GPR4: variants seen among roughly 807,000 people sequenced by gnomAD.
The protein encoded by GPR4 is G protein-coupled receptor 4, also known as G-prodeshotein coupled receptor 4.
In GPR4, 11 loss-of-function variants were observed where a neutral mutation model predicts 17.8. The observed-to-expected ratio is 0.62, with a 90% CI of 0.39 to 1.02. The LOEUF (loss-of-function observed/expected upper bound fraction) is 1.02, where lower values mean the gene tolerates loss of function less well. GPR4 is among the 50% of genes least tolerant of loss of function. The probability of loss-of-function intolerance (pLI) is 0.00; values close to 1 mark genes in which losing one functional copy is unlikely to be tolerated. For missense variants in GPR4, 364 were observed against 495.4 expected (o/e 0.73, Z 2.52); for synonymous variants, 219 against 222.8 (o/e 0.98, Z 0.15).
chr19:45,594,043 G>T (rs1970026553), intron 1 of GPR4, among the ~76,000 whole-genome samples: 1 of 37,026 alleles, frequency 2.7e-5, no homozygotes, highest in African/African-American at 2.2e-4. Flanking sequence ...ACCATGCCTG[G>T]CTTAAAAAAA....
intron 1 of GPR4, among the ~76,000 whole-genome samples, chr19:45,594,416 C>T (rs1261893480): frequency 1.8e-4 from 20 of 113,844 alleles, no homozygotes; most frequent in Admixed American, 1.3e-3. Flanking sequence ...AGCCAGACTC[C>T]GTCTCAAAAA....
rs780185854 is a variant in GPR4, at chr19:45,591,042, G to A, written c.825C>T (p.Thr275=). 12 of 1,613,924 alleles carry A rather than the reference G, an allele frequency of 7.4e-6. No homozygotes were observed. Among genetic ancestry groups the A allele is most frequent in the East Asian group, 4.5e-5 (2 of 44,906 alleles). The stretch of plus-strand genomic sequence containing the variant: ...TGGGGTCCGCCACACAGTTGAGGCT[G>A]GTGAAAGCCAGTGAGCTGTGGTATG... ...FSAYHSSLAF[T]SLNCVADPIL... Residue 275 remains threonine, a synonymous_variant, in exon 2 of 2, where the codon ACC becomes ACT. Transcript: ENST00000323040. This position sits in a 1 kb window ranked among gnomAD's most constrained non-coding sequence, Gnocchi z 7.6.
In GPR4 at chr19:45,595,075, G is replaced by A. The variant is rs550455294; in HGVS notation, c.-831-2378C>T. Among the ~76,000 whole-genome samples, 12 of 151,624 alleles carry A rather than the reference G, an allele frequency of 7.9e-5. No individual in the cohort carries two copies. In the East Asian group the frequency reaches 9.7e-4, roughly 12 times the overall value. On this transcript the variant is annotated intron_variant, in intron 1 of 1. Transcript: ENST00000323040. The stretch of plus-strand genomic sequence containing the variant: ...GAGGATCACCTGAGGTCGGGAGTTC[G>A]AGACCAGCCTGACCAACATGGAGAA...
chr19:45,601,258 C>T (rs1970108804), intron 1 of GPR4, among the ~76,000 whole-genome samples: 1 of 152,216 alleles, frequency 6.6e-6, no homozygotes, highest in African/African-American at 2.4e-5. Context: ...AGAGCTATTC[C>T]TCAGCCTAGT....
intron 1 of GPR4, among the ~76,000 whole-genome samples, chr19:45,596,048 C>T (rs1284666487): frequency 6.6e-6 from 1 of 152,150 alleles, no homozygotes; most frequent in African/African-American, 2.4e-5. Context: ...GTGCGTCTCT[C>T]TCAAACGCCT....
intron 1 of GPR4, among the ~76,000 whole-genome samples, chr19:45,599,433 C>G (rs10416789): frequency 0.022 from 3,339 of 151,820 alleles, 111 homozygotes; most frequent in African/African-American, 0.064. Context: ...ACCACCCCCC[C>G]CTCCCCGCCT....
chr19:45,590,404 G>A lies in GPR4; in HGVS notation c.*374C>T, dbSNP rs1291767314. The A allele has an allele frequency of 5.2e-6, 1 of 192,508 alleles. No homozygotes were observed. The highest frequency in any genetic ancestry group is 2.3e-5 in the African/African-American group (1 of 42,950). The allele number at this position is 192,508 out of a possible 1,614,324, so 11.9% of individuals were successfully genotyped here. On this transcript the variant is annotated 3_prime_UTR_variant, in exon 2 of 2. Transcript: ENST00000323040. ...AGTACAAAAATTAGCCAGGCATGGTGGCTCACATTTGTGGTCCCAGCTACT... is the reference window on the plus strand; with the variant it reads ...AGTACAAAAATTAGCCAGGCATGGTAGCTCACATTTGTGGTCCCAGCTACT...
Position 45,591,711 on chromosome 19 carries a change from C to A in GPR4, c.156G>T (p.Leu52=), listed in dbSNP as rs778382591. Residue 52 remains leucine (L), a synonymous_variant, in exon 2 of 2, where the codon CTG becomes CTT. Coordinates refer to ENST00000323040, the MANE Select transcript of GPR4 (RefSeq NM_005282.3). This position sits in a 1 kb window ranked among gnomAD's most constrained non-coding sequence, Gnocchi z 7.6. ...AYRQVQQRNE[L]GVYLMNLSIA... is the part of the protein sequence containing the mutation. ...TGCTGAGGTTCATCAGGTAGACGCC[C>A]AGCTCGTTGCGCTGTTGCACCTGGC... 1 of 1,614,076 alleles carries A rather than the reference C, an allele frequency of 6.2e-7. No homozygotes were observed. The highest frequency in any genetic ancestry group is 1.1e-5 in the South Asian group (1 of 91,078).
chr19:45,600,340 G>C (rs772268651), intron 1 of GPR4, among the ~76,000 whole-genome samples: 40 of 152,178 alleles, frequency 2.6e-4, no homozygotes, highest in Admixed American at 7.2e-4. Flanking sequence ...CCAGGCGGAG[G>C]GTCAGGAGAC....
chr19:45,591,836 C>G lies in GPR4; in HGVS notation c.31G>C (p.Val11Leu). MGNHTWEGCH[V>L]DSRVDHLFPP... ...AAGAGGTGGTCCACGCGCGAGTCCA[C>G]GTGGCAGCCCTCCCACGTGTGGTTG... The change falls in exon 2 of 2, where the codon GTG becomes CTG. Residue 11 changes from valine to leucine, a missense_variant. Physicochemically the swap from Val to Leu is conservative, Grantham distance 32. This residue lies in a region of GPR4 where 271 missense variants were observed against 373.1 expected (regional missense o/e 0.73). Transcript: ENST00000323040. This position sits in a 1 kb window ranked among gnomAD's most constrained non-coding sequence, Gnocchi z 7.6. The G allele has an allele frequency of 6.3e-7, 1 of 1,578,208 alleles. No homozygotes were observed. The highest frequency in any genetic ancestry group is 8.6e-7 in the Non-Finnish European group (1 of 1,158,256).
At chr19:45,595,973 T>C (rs1380746872) in intron 1 of GPR4, among the ~76,000 whole-genome samples, 1 of 152,140 alleles carries the variant, frequency 6.6e-6, no homozygotes, top group Non-Finnish European at 1.5e-5. Flanking sequence ...GCCTCCCAGA[T>C]GCCAGAGCAT....
Position 45,592,333 on chromosome 19 carries a change from T to G in GPR4, c.-467A>C. On this transcript the variant is annotated 5_prime_UTR_variant, in exon 2 of 2. Coordinates refer to ENST00000323040, the MANE Select transcript of GPR4 (RefSeq NM_005282.3). The stretch of plus-strand genomic sequence containing the variant: ...GGAATGTTCTAGAAGACACAAGAAA[T>G]ACATGAGAAAGTGTTGAGATAGGAC... 1 of 169,402 alleles carries G rather than the reference T, an allele frequency of 5.9e-6. No homozygotes were observed. Among genetic ancestry groups the G allele is most frequent in the Non-Finnish European group, 1.4e-5 (1 of 69,774 alleles). The allele number at this position is 169,402 out of a possible 1,614,324, so 10.5% of individuals were successfully genotyped here. A position where few individuals can be genotyped will look rare whatever the true frequency, so the allele number is the denominator to read the frequency against.
intron 1 of GPR4, among the ~76,000 whole-genome samples, chr19:45,594,059 A>ATAT (rs1278298467): frequency 2.3e-5 from 1 of 42,782 alleles, no homozygotes; most frequent in Non-Finnish European, 3.5e-5. Context: ...AAAAAAAAAA[A>ATAT]AAAAATATAT....
In GPR4 at chr19:45,590,889, T is replaced by G. The variant is rs142184267; in HGVS notation, c.978A>C (p.Pro326=). The G allele has an allele frequency of 3.2e-4, 510 of 1,613,888 alleles. 1 individual carries two copies. The African/African-American group carries it at 5.8e-3, about 18-fold the overall frequency. Residue 326 remains proline (P), a synonymous_variant, in exon 2 of 2, where the codon CCA becomes CCC. Transcript: ENST00000323040. Reference sequence around the variant, plus strand: ...CTGTGCTGTTCCTCTTGGAGGTGAGTGGGGTCTCCAGGGTGAGCGAGGCAT... The same window carrying G: ...CTGTGCTGTTCCTCTTGGAGGTGAGGGGGGTCTCCAGGGTGAGCGAGGCAT... ...MANASLTLET[P]LTSKRNSTAK... is the part of the protein sequence containing the mutation.
Position 45,590,791 on chromosome 19 carries a change from G to A in GPR4, c.1076C>T (p.Pro359Leu), listed in dbSNP as rs145450390. 1.5e-4 allele frequency: 241 copies of A among 1,571,186 alleles called. No individual in the cohort carries two copies. The highest frequency in any genetic ancestry group is 2.0e-4 in the Non-Finnish European group (232 of 1,157,574). The change falls in exon 2 of 2, where the codon CCG becomes CTG. Residue 359 changes from proline (P) to leucine (L), a missense_variant. Physicochemically the swap from Pro to Leu is moderately conservative, Grantham distance 98. This residue lies in a region of GPR4 where 92 missense variants were observed against 106.0 expected (regional missense o/e 0.87). Transcript: ENST00000323040. ...QGDQVQLKMLPPAQ is the reference protein window; with the variant it reads ...QGDQVQLKMLLPAQ Reference sequence around the variant, plus strand: ...GCCACTCGGGGTTCATTGTGCTGGCGGCAGCATCTTCAGCTGCACCTGGTC... The same window carrying A: ...GCCACTCGGGGTTCATTGTGCTGGCAGCAGCATCTTCAGCTGCACCTGGTC...
At chr19:45,593,530 A>T (rs1970020881) in intron 1 of GPR4, among the ~76,000 whole-genome samples, 1 of 151,606 alleles carries the variant, frequency 6.6e-6, no homozygotes, top group African/African-American at 2.4e-5. Flanking sequence ...AAAAAAGAAA[A>T]AAAAAAGGAA....
At position 45,592,013 on chromosome 19, in the gene GPR4, G is replaced by T; in HGVS notation, c.-147C>A. 1 of 832,538 alleles carries T rather than the reference G, an allele frequency of 1.2e-6. No homozygotes were observed. The highest frequency in any genetic ancestry group is 1.7e-5 in the African/African-American group (1 of 57,170). 51.6% of individuals were successfully genotyped at this position (832,538 alleles called of 1,614,324 possible). A position where few individuals can be genotyped will look rare whatever the true frequency, so the allele number is the denominator to read the frequency against. ...ATGTGGTCTACAGGGAAGAGATGAG[G>T]TTGGGTAGGCTGGGCTGGGCTGGGA... On this transcript the variant is annotated 5_prime_UTR_variant, in exon 2 of 2. Coordinates refer to ENST00000323040, the MANE Select transcript of GPR4 (RefSeq NM_005282.3).
At position 45,590,824 on chromosome 19, in the gene GPR4, G is replaced by T; in HGVS notation, c.1043C>A (p.Ser348Tyr). The T allele has an allele frequency of 1.2e-6, 2 of 1,605,744 alleles. No homozygotes were observed. Among genetic ancestry groups the T allele is most frequent in the Non-Finnish European group, 1.7e-6 (2 of 1,175,110 alleles). The stretch of plus-strand genomic sequence containing the variant: ...CTTCAGCTGCACCTGGTCCCCCTGG[G>T]AGGGCGGAGTGGCCGCCCAGCTGCC... ...MTGSWAATPPSQGDQVQLKML... is the reference protein window; with the variant it reads ...MTGSWAATPPYQGDQVQLKML... The change falls in exon 2 of 2, where the codon TCC becomes TAC. Residue 348 changes from serine to tyrosine, a missense_variant. Physicochemically the swap from Ser to Tyr is moderately radical, Grantham distance 144 (BLOSUM62 -2). This residue lies in a region of GPR4 where 92 missense variants were observed against 106.0 expected (regional missense o/e 0.87). Coordinates refer to ENST00000323040, the MANE Select transcript of GPR4 (RefSeq NM_005282.3).
At chr19:45,596,061 C>T (rs553247681) in intron 1 of GPR4, among the ~76,000 whole-genome samples, 1 of 152,332 alleles carries the variant, frequency 6.6e-6, no homozygotes, top group South Asian at 2.1e-4. Context: ...AAACGCCTGC[C>T]ACTGTCCACT....
Sources: gnomAD v4.1 joint callset for allele counts (sites outside exome capture counted in the v4.1 genomes callset) on GRCh38, gnomAD v4.1.1 for gene constraint, gnomAD v4.1.1 regional missense constraint, Gnocchi (gnomAD v3.1) non-coding constraint, MANE v1.5 for transcripts, NCBI Gene and HGNC (gene_info 2026-07-23, HGNC 2026-07-21) for gene names.